Variants in KAZN observed in about 807,000 individuals in gnomAD.
The protein encoded by KAZN is kazrin.
A neutral mutation model predicts 87.4 loss-of-function variants in KAZN; 40 were observed. The observed-to-expected ratio is 0.46, with a 90% CI of 0.36 to 0.60. The LOEUF (loss-of-function observed/expected upper bound fraction) is 0.60, where lower values mean the gene tolerates loss of function less well. Among genes scored for constraint, KAZN ranks in the 20% least tolerant of loss-of-function variants. The probability of loss-of-function intolerance (pLI) is 0.00; values close to 1 mark genes in which losing one functional copy is unlikely to be tolerated. For missense variants in KAZN, 898 were observed against 1,073.9 expected (o/e 0.84, Z 2.29); for synonymous variants, 466 against 458.3 (o/e 1.02, Z -0.22).
At chr1:14,736,254 G>GGTGGGTGTGT (rs1418987856) in intron 1 of KAZN, among the ~76,000 whole-genome samples, 2 of 115,300 alleles carry the variant, frequency 1.7e-5, no homozygotes, top group Non-Finnish European at 3.6e-5. Flanking sequence ...GGGACTCAAG[G>GGTGGGTGTGT]GTGTGTGTGT....
intron 1 of KAZN, among the ~76,000 whole-genome samples, chr1:14,601,837 T>G (rs1401250789): frequency 6.6e-6 from 1 of 152,228 alleles, no homozygotes; most frequent in African/African-American, 2.4e-5. Context: ...ATCTTTGCAT[T>G]TCAAAATGCA....
intron 2 of KAZN, among the ~76,000 whole-genome samples, chr1:14,969,470 C>T (rs993711335): frequency 2.0e-5 from 3 of 152,256 alleles, no homozygotes; most frequent in Admixed American, 1.3e-4. Context: ...GCCAGCCCCT[C>T]GGTCCCACAG....
At chr1:14,978,460 C>T (rs1665893893) in intron 2 of KAZN, among the ~76,000 whole-genome samples, 1 of 152,148 alleles carries the variant, frequency 6.6e-6, no homozygotes, top group African/African-American at 2.4e-5. Flanking sequence ...CTGTTGTGTC[C>T]TTCTTCAGAG....
At chr1:14,477,771 G>A (rs558649298) in intron 2 of KAZN, among the ~76,000 whole-genome samples, 1 of 152,284 alleles carries the variant, frequency 6.6e-6, no homozygotes, top group East Asian at 1.9e-4. Context: ...CAAAGTGGCA[G>A]TGCACCTGGA....
At chr1:14,280,577 C>T (rs752533168) in intron 2 of KAZN, among the ~76,000 whole-genome samples, 12 of 151,940 alleles carry the variant, frequency 7.9e-5, no homozygotes, top group African/African-American at 2.4e-4. Context: ...AGAAGCAAGG[C>T]GACAGGCACA....
At chr1:14,262,734 A>C (rs1368434661) in intron 2 of KAZN, among the ~76,000 whole-genome samples, 1 of 152,244 alleles carries the variant, frequency 6.6e-6, no homozygotes, top group Non-Finnish European at 1.5e-5. Flanking sequence ...GGCTTTTCTG[A>C]GAGCCATTTC....
rs1435996793 is a variant in KAZN at position 14,303,719 on chromosome 1, C to G, written c.249+123127C>G. Reference sequence around the variant, plus strand: ...CTTCCCATTTATGCCTATCCAAACTCTGTCCATCCTTCAAGATTACCTTAT... The same window carrying G: ...CTTCCCATTTATGCCTATCCAAACTGTGTCCATCCTTCAAGATTACCTTAT... On this transcript the variant is annotated intron_variant, in intron 2 of 16. Coordinates refer to the KAZN transcript ENST00000636203. Among the ~76,000 whole-genome samples the G allele has an allele frequency of 2.6e-5, 4 of 152,200 alleles. No individual in the cohort carries two copies. In the East Asian group the frequency reaches 7.7e-4, roughly 29 times the overall value.
At chr1:14,677,871 G>C (rs1490062861) in intron 1 of KAZN, among the ~76,000 whole-genome samples, 1 of 152,168 alleles carries the variant, frequency 6.6e-6, no homozygotes, top group Admixed American at 6.5e-5. Context: ...CCTCAGGGGA[G>C]GTCCCAGAAC....
intron 1 of KAZN, among the ~76,000 whole-genome samples, chr1:14,600,330 G>A (rs565159718): frequency 6.6e-6 from 1 of 152,276 alleles, no homozygotes; most frequent in African/African-American, 2.4e-5. Context: ...TCTCTTGAGG[G>A]TTGAGAGAGT....
chr1:14,456,428 T>C (rs1251278948), intron 2 of KAZN, among the ~76,000 whole-genome samples: 3 of 152,186 alleles, frequency 2.0e-5, no homozygotes, highest in Non-Finnish European at 4.4e-5. Flanking sequence ...GTTTTTTTTT[T>C]ATGTTGAAGC....
intron 1 of KAZN, among the ~76,000 whole-genome samples, chr1:14,853,434 G>A (rs546193652): frequency 3.9e-5 from 6 of 152,110 alleles, no homozygotes; most frequent in African/African-American, 1.4e-4. Flanking sequence ...TCACCACACT[G>A]CATGAGATAG....
intron 2 of KAZN, among the ~76,000 whole-genome samples, chr1:14,972,492 G>A (rs1457453594): frequency 1.3e-5 from 2 of 151,744 alleles, no homozygotes; most frequent in Non-Finnish European, 2.9e-5. Flanking sequence ...CCAGGGGAAT[G>A]CGCTGCTGAC....
chr1:14,142,756 C>G lies in KAZN; in HGVS notation c.92-37679C>G, dbSNP rs555699849. 3.9e-5 allele frequency among the ~76,000 whole-genome samples: 6 copies of G among 152,320 alleles called. No homozygotes were observed. In the South Asian group the frequency reaches 1.0e-3, roughly 26 times the overall value. ...CGCTGCAGCTGGAGGGCCTCTCCTCCTCATTTAAGATGGTACAATCCCTTC... is the reference window on the plus strand; with the variant it reads ...CGCTGCAGCTGGAGGGCCTCTCCTCGTCATTTAAGATGGTACAATCCCTTC... On this transcript the variant is annotated intron_variant, in intron 1 of 16. Coordinates refer to the KAZN transcript ENST00000636203.
intron 1 of KAZN, among the ~76,000 whole-genome samples, chr1:14,914,779 G>A (rs1657617530): frequency 6.6e-6 from 1 of 152,102 alleles, no homozygotes. Flanking sequence ...GCTGTGTGAT[G>A]TGGGGCAACC....
chr1:14,914,127 G>A (rs1657541265), intron 1 of KAZN, among the ~76,000 whole-genome samples: 1 of 152,200 alleles, frequency 6.6e-6, no homozygotes, highest in Non-Finnish European at 1.5e-5. Flanking sequence ...ACAGACTGTT[G>A]GGCCTCGCCT....
intron 2 of KAZN, among the ~76,000 whole-genome samples, chr1:14,516,574 A>G (rs1481065161): frequency 6.6e-6 from 1 of 152,166 alleles, no homozygotes; most frequent in African/African-American, 2.4e-5. Context: ...CAGACTCTTA[A>G]CAAATATTTA....
intron 1 of KAZN, among the ~76,000 whole-genome samples, chr1:14,619,857 T>C (rs1678552610): frequency 1.3e-5 from 2 of 152,360 alleles, no homozygotes; most frequent in South Asian, 2.1e-4. Flanking sequence ...TGTTGTAGCG[T>C]GTATCAGCAC....
rs1190437163 is a variant in KAZN, at chr1:15,051,314, C to G, written c.727-4777C>G. ...CGGAACCTCAGGCCCTCCTGGTTAA[C>G]AGGAACTGCCATTGGCCCCAGCCAA... On this transcript the variant is annotated intron_variant, in intron 4 of 14. Coordinates refer to ENST00000376030, the MANE Select transcript of KAZN (RefSeq NM_201628.3). 3.9e-5 allele frequency among the ~76,000 whole-genome samples: 6 copies of G among 152,348 alleles called. No homozygotes were observed. In the East Asian group the frequency reaches 1.2e-3, roughly 29 times the overall value.
chr1:15,009,781 A>G (rs1669392708), intron 2 of KAZN, among the ~76,000 whole-genome samples: 1 of 152,288 alleles, frequency 6.6e-6, no homozygotes, highest in East Asian at 1.9e-4. Context: ...AATTAATCCC[A>G]TTTACCTATT....
Sources: gnomAD v4.1 joint callset for allele counts (sites outside exome capture counted in the v4.1 genomes callset) on GRCh38, gnomAD v4.1.1 for gene constraint, MANE v1.5 for transcripts, NCBI Gene and HGNC (gene_info 2026-07-23, HGNC 2026-07-21) for gene names.